Variants in CATSPERG observed in about 807,000 individuals in gnomAD.
The protein encoded by CATSPERG is catsper channel auxiliary subunit gamma, also known as cation channel sperm-associated auxiliary subunit gamma.
A neutral mutation model predicts 145.0 loss-of-function variants in CATSPERG; 115 were observed. That is an observed-to-expected ratio of 0.79 (90% CI 0.68 to 0.93). The LOEUF is 0.93. Among genes scored for constraint, CATSPERG ranks in the 40% least tolerant of loss-of-function variants. The probability of loss-of-function intolerance (pLI) is 0.00; values close to 1 mark genes in which losing one functional copy is unlikely to be tolerated. For synonymous variants in CATSPERG, 588 were observed against 589.0 expected (o/e 1.00, Z 0.02); for missense variants, 1,296 against 1,490.1 (o/e 0.87, Z 2.14).
chr19:38,339,382 C>T (rs57681346), intron 3 of CATSPERG, among the ~76,000 whole-genome samples: 29,228 of 152,084 alleles, frequency 0.19, 3,104 homozygotes, highest in East Asian at 0.31. Flanking sequence ...CCCTTTAGCA[C>T]AGAGCTTGGT....
intron 6 of CATSPERG, 57 bp from the exon 7 acceptor site, chr19:38,346,393 A>G (rs1374522521): frequency 5.5e-6 from 8 of 1,461,572 alleles, no homozygotes; most frequent in South Asian, 1.4e-5. Context: ...CCTAAATGAG[A>G]TGGAGTCTCA....
In CATSPERG at chr19:38,362,477, G is replaced by A. The variant is rs1349242544; in HGVS notation, c.2259G>A (p.Glu753=). The change falls in exon 19 of 29, where the codon GAG becomes GAA. Residue 753 remains glutamate, a synonymous_variant. Coordinates refer to ENST00000409235, the MANE Select transcript of CATSPERG (RefSeq NM_021185.5). The part of the protein sequence containing the change: ...EKIYNLESAY[E]LPERIFLDKG... Reference sequence around the variant, plus strand: ...TCTACAACCTCGAGTCCGCGTACGAGCTGCCGGAGCGCATTTTCCTGGACA... The same window carrying A: ...TCTACAACCTCGAGTCCGCGTACGAACTGCCGGAGCGCATTTTCCTGGACA... 1.2e-6 allele frequency: 2 copies of A among 1,613,972 alleles called. No homozygotes were observed.
chr19:38,342,269 G>T (rs1330998754), intron 3 of CATSPERG, among the ~76,000 whole-genome samples: 10 of 150,606 alleles, frequency 6.6e-5, no homozygotes, highest in African/African-American at 1.2e-4. Context: ...GCCAGCCTGG[G>T]CAACAGAGTA....
intron 20 of CATSPERG, 114 bp from the exon 21 acceptor site, chr19:38,364,777 G>C: frequency 7.1e-6 from 6 of 839,918 alleles, no homozygotes; most frequent in South Asian, 1.4e-5. Flanking sequence ...GCAGCCTTCC[G>C]TTTTCCTACC....
chr19:38,340,686 C>A (rs1969923266), intron 3 of CATSPERG, among the ~76,000 whole-genome samples: 1 of 151,934 alleles, frequency 6.6e-6, no homozygotes. Flanking sequence ...GTGGCTTGAT[C>A]ATAGCTCATT....
At position 38,343,483 on chromosome 19, in the gene CATSPERG, G is replaced by A. The variant is rs77106659; in HGVS notation, c.325-97G>A. On this transcript the variant is annotated intron_variant, in intron 3 of 28. Transcript: ENST00000409235. ...ACATGGTGGACAGTGTGCTGCCCCC[G>A]GACAGCCCAGGAGACAGACTGTTAG... is the stretch of plus-strand genomic sequence containing the variant. 2.8e-3 allele frequency: 3,132 copies of A among 1,131,626 alleles called. 80 individuals carry two copies. In the East Asian group the frequency reaches 0.06, roughly 22 times the overall value. 70.1% of individuals were successfully genotyped at this position (1,131,626 alleles called of 1,614,324 possible). A position where few individuals can be genotyped will look rare whatever the true frequency, so the allele number is the denominator to read the frequency against.
Position 38,370,592 on chromosome 19 carries a change from G to A in CATSPERG, c.3280G>A (p.Val1094Met), listed in dbSNP as rs757579145. Reference sequence around the variant, plus strand: ...CGCCTTCTGCCTCCTGTGGCCCCTCGTGGTGAAGGGCTGCACGATGATCCG... The same window carrying A: ...CGCCTTCTGCCTCCTGTGGCCCCTCATGGTGAAGGGCTGCACGATGATCCG... ...YIAFCLLWPL[V>M]VKGCTMIRWK... The change falls in exon 29 of 29, where the codon GTG (valine) becomes ATG (methionine). Residue 1094 changes from valine to methionine, a missense_variant. Transcript: ENST00000409235. The A allele has an allele frequency of 1.2e-5, 19 of 1,614,002 alleles. No homozygotes were observed. Among genetic ancestry groups the A allele is most frequent in the South Asian group, 2.2e-5 (2 of 91,080 alleles).
At chr19:38,343,462 G>C (rs753484083) in intron 3 of CATSPERG, 118 bp from the exon 4 acceptor site, 274 of 899,612 alleles carry the variant, frequency 3.0e-4, no homozygotes, top group Non-Finnish European at 4.1e-4. Context: ...ACCATCACAT[G>C]GTGGACAGTG....
intron 20 of CATSPERG, among the ~76,000 whole-genome samples, chr19:38,363,066 T>G (rs927921679): frequency 3.3e-5 from 5 of 151,822 alleles, no homozygotes; most frequent in Non-Finnish European, 5.9e-5. Flanking sequence ...TGAGACGGAG[T>G]CTTGCTCAGT....
At chr19:38,359,607 T>G in intron 14 of CATSPERG, 26 bp downstream of exon 14, 1 of 1,549,848 alleles carries the variant, frequency 6.5e-7, no homozygotes, top group Non-Finnish European at 8.8e-7. Context: ...CCTCTCCCCG[T>G]TCCCTCTCTG....
At chr19:38,337,031 C>G in intron 1 of CATSPERG, 190 bp from the exon 2 acceptor site, 5 of 658,508 alleles carry the variant, frequency 7.6e-6, no homozygotes, top group Non-Finnish European at 1.3e-5. Flanking sequence ...GGCTAAAAGT[C>G]CGTGCGGGGG....
intron 26 of CATSPERG, among the ~76,000 whole-genome samples, chr19:38,369,289 C>T (rs1970506835): frequency 1.3e-5 from 2 of 152,112 alleles, no homozygotes; most frequent in Admixed American, 6.6e-5. Flanking sequence ...GAGACAGAGT[C>T]TTGCTCCGTC....
intron 1 of CATSPERG, 51 bp from the exon 2 acceptor site, chr19:38,337,169 TG>T: frequency 1.3e-6 from 2 of 1,530,740 alleles, no homozygotes; most frequent in Admixed American, 2.0e-5. Context: ...ATCTTAAAAG[TG>T]GGCTCCAGAG....
intron 5 of CATSPERG, 58 bp downstream of exon 5, chr19:38,344,177 G>T: frequency 6.5e-7 from 1 of 1,548,252 alleles, no homozygotes; most frequent in Non-Finnish European, 8.7e-7. Flanking sequence ...TCACCCCAGG[G>T]TCCCCAGAGG....
chr19:38,339,448 C>G (rs1969900472), intron 3 of CATSPERG, among the ~76,000 whole-genome samples: 1 of 152,168 alleles, frequency 6.6e-6, no homozygotes, highest in Non-Finnish European at 1.5e-5. Context: ...TTCCAAGACT[C>G]TTTTACATTA....
chr19:38,354,055 G>T (rs1032869172), intron 8 of CATSPERG, among the ~76,000 whole-genome samples: 1 of 135,322 alleles, frequency 7.4e-6, no homozygotes, highest in African/African-American at 2.7e-5. Context: ...AGTTTCTCCC[G>T]CCATCTCAGT....
chr19:38,362,826 A>G lies in CATSPERG; in HGVS notation c.2469A>G (p.Leu823=), dbSNP rs750409449. Reference sequence around the variant, plus strand: ...TCCTGATTAATCGCAACTCGGTGCTATTTTCGGTGAGGCCCCCCGGGGAGT... The same window carrying G: ...TCCTGATTAATCGCAACTCGGTGCTGTTTTCGGTGAGGCCCCCCGGGGAGT... ...QEVLINRNSV[L]FSITLKDKKL... Residue 823 remains leucine, a synonymous_variant, in exon 20 of 29, where the codon CTA becomes CTG. Transcript: ENST00000409235. 10 of 1,454,298 alleles carry G rather than the reference A, an allele frequency of 6.9e-6. No homozygotes were observed. The highest frequency in any genetic ancestry group is 2.3e-5 in the South Asian group (2 of 87,020). 90.1% of individuals were successfully genotyped at this position (1,454,298 alleles called of 1,614,324 possible). A position where few individuals can be genotyped will look rare whatever the true frequency, so the allele number is the denominator to read the frequency against.
chr19:38,361,276 G>T (rs533265780), intron 16 of CATSPERG, among the ~76,000 whole-genome samples: 1 of 152,234 alleles, frequency 6.6e-6, no homozygotes, highest in South Asian at 2.1e-4. Context: ...ACCGCGTGCC[G>T]TAATGATGCC....
chr19:38,367,070 G>A, intron 22 of CATSPERG, 86 bp from the exon 23 acceptor site: 1 of 1,290,232 alleles, frequency 7.8e-7, no homozygotes, highest in Non-Finnish European at 1.1e-6. Context: ...GTTTGTGGGA[G>A]GGGGACTGTC....
Sources: allele counts gnomAD v4.1 joint callset (sites outside exome capture counted in the v4.1 genomes callset), GRCh38; gene constraint gnomAD v4.1.1; transcripts MANE v1.5; gene names NCBI Gene and HGNC (gene_info 2026-07-23, HGNC 2026-07-21).